TYW1B: variants seen among roughly 807,000 people sequenced by gnomAD.
TYW1B encodes S-adenosyl-L-methionine-dependent tRNA 4-demethylwyosine synthase TYW1B.
In TYW1B, 73 loss-of-function variants were observed where a neutral mutation model predicts 86.9. The ratio of observed to expected loss-of-function variants is 0.84; its 90% CI spans 0.70 to 1.02. The LOEUF is 1.02. Among genes scored for constraint, TYW1B ranks in the 50% least tolerant of loss-of-function variants. The pLI is 0.00. For missense variants in TYW1B, 637 were observed against 827.4 expected, an observed-to-expected ratio of 0.77 and a Z score of 2.82; for synonymous variants, 248 against 292.8, an observed-to-expected ratio of 0.85 and a Z score of 1.56.
At chr7:72,649,717 G>A (rs1554442512) in intron 11 of TYW1B, among the ~76,000 whole-genome samples, 2 of 152,180 alleles carry the variant, frequency 1.3e-5, no homozygotes, top group East Asian at 1.9e-4. Context: ...AAGGAATATA[G>A]GGCAGCCCAA....
At chr7:72,750,036 C>T (rs1213903892) in intron 7 of TYW1B, among the ~76,000 whole-genome samples, 3 of 149,256 alleles carry the variant, frequency 2.0e-5, no homozygotes, top group Non-Finnish European at 4.4e-5. Flanking sequence ...CTACAAGACA[C>T]GTGTCTGAAC....
At chr7:72,776,418 G>C (rs1204996972) in intron 7 of TYW1B, among the ~76,000 whole-genome samples, 1 of 151,592 alleles carries the variant, frequency 6.6e-6, no homozygotes, top group African/African-American at 2.4e-5. Context: ...AAAATTAGCT[G>C]AGCATGGTGA....
intron 1 of TYW1B, among the ~76,000 whole-genome samples, chr7:72,827,401 C>A (rs1788953273): frequency 6.6e-6 from 1 of 152,034 alleles, no homozygotes; most frequent in African/African-American, 2.4e-5. Flanking sequence ...GAGCAAGGCT[C>A]CATCTCGTGG....
At chr7:72,762,704 G>C (rs1554467405) in intron 7 of TYW1B, among the ~76,000 whole-genome samples, 1 of 152,098 alleles carries the variant, frequency 6.6e-6, no homozygotes, top group Non-Finnish European at 1.5e-5. Context: ...CTGTCACCCA[G>C]GCTGGAGTGC....
chr7:72,624,458 T>C (rs1812293294), intron 12 of TYW1B, among the ~76,000 whole-genome samples: 1 of 152,214 alleles, frequency 6.6e-6, no homozygotes, highest in Admixed American at 6.5e-5. Context: ...CAAACTAAAA[T>C]TTAAAAAATG....
intron 7 of TYW1B, among the ~76,000 whole-genome samples, chr7:72,761,212 G>T (rs797030656): frequency 3.9e-5 from 6 of 151,948 alleles, no homozygotes; most frequent in Non-Finnish European, 7.4e-5. Context: ...TTATGTTACA[G>T]GGAAAGAAAC....
At position 72,575,242 on chromosome 7, in the gene TYW1B, T is replaced by C. The variant is rs1274316267; in HGVS notation, c.*256A>G. ...TTAAATTCTAATCACGACTGTGTAG[T>C]TCCTCCCCAAAATAATTTTCCTCTT... On this transcript the variant is annotated 3_prime_UTR_variant, in exon 14 of 14. Coordinates refer to ENST00000620995, the MANE Select transcript of TYW1B (RefSeq NM_001145440.3). 3.0e-6 allele frequency: 4 copies of C among 1,326,130 alleles called. No homozygotes were observed. The highest frequency in any genetic ancestry group is 3.9e-6 in the Non-Finnish European group (4 of 1,035,162). The allele number at this position is 1,326,130 out of a possible 1,614,324, so 82.1% of individuals were successfully genotyped here.
intron 6 of TYW1B, among the ~76,000 whole-genome samples, chr7:72,777,955 T>A (rs1365158666): frequency 6.6e-6 from 1 of 152,110 alleles, no homozygotes; most frequent in Non-Finnish European, 1.5e-5. Context: ...AAAATTGTTT[T>A]AAAAAAGGGC....
chr7:72,818,439 GTGTGGTGGCATATACC>G (rs71071914), intron 2 of TYW1B, among the ~76,000 whole-genome samples: 13,599 of 151,360 alleles, frequency 0.09, 1,056 homozygotes, highest in East Asian at 0.33. Context: ...AATTAGCTGG[GTGTGGTGGCATATACC>G]TGTGGTCCAG....
At chr7:72,599,590 ACTCT>A (rs782555802) in intron 13 of TYW1B, among the ~76,000 whole-genome samples, 1 of 152,008 alleles carries the variant, frequency 6.6e-6, no homozygotes, top group African/African-American at 2.4e-5. Flanking sequence ...AGGAAATAAA[ACTCT>A]CTGTGTACAG....
At chr7:72,632,946 T>C (rs1422845831) in intron 11 of TYW1B, among the ~76,000 whole-genome samples, 1 of 152,084 alleles carries the variant, frequency 6.6e-6, no homozygotes, top group East Asian at 1.9e-4. Flanking sequence ...GGTGGGAGAC[T>C]GGCAGGACTT....
chr7:72,666,384 C>A (rs1554445259), intron 11 of TYW1B, among the ~76,000 whole-genome samples: 2 of 152,016 alleles, frequency 1.3e-5, no homozygotes, highest in Admixed American at 6.6e-5. Flanking sequence ...TGTGATTGTG[C>A]AACTATGCTC....
intron 11 of TYW1B, among the ~76,000 whole-genome samples, chr7:72,656,389 A>G (rs144547705): frequency 6.6e-6 from 1 of 152,222 alleles, no homozygotes; most frequent in Admixed American, 6.5e-5. Flanking sequence ...TAAGGACACA[A>G]GAATGATGAG....
At chr7:72,632,037 C>T (rs1812504174) in intron 11 of TYW1B, among the ~76,000 whole-genome samples, 1 of 151,758 alleles carries the variant, frequency 6.6e-6, no homozygotes, top group Admixed American at 6.6e-5. Context: ...TGGCTCACGC[C>T]TGTAATCTCA....
intron 11 of TYW1B, among the ~76,000 whole-genome samples, chr7:72,634,600 C>CT (rs1356649109): frequency 1.3e-5 from 2 of 150,878 alleles, no homozygotes; most frequent in Non-Finnish European, 2.9e-5. Context: ...TATTGGCAAT[C>CT]TGATTGCCAA....
At chr7:72,746,848 C>A in intron 7 of TYW1B, among the ~76,000 whole-genome samples, 1 of 152,172 alleles carries the variant, frequency 6.6e-6, no homozygotes, top group Non-Finnish European at 1.5e-5. Flanking sequence ...TTCAAAAGGA[C>A]TCTCTAAGAC....
intron 12 of TYW1B, among the ~76,000 whole-genome samples, chr7:72,624,606 T>C (rs1176246183): frequency 6.6e-6 from 1 of 152,192 alleles, no homozygotes; most frequent in East Asian, 1.9e-4. Context: ...ACAGGTAAGT[T>C]CACAAAGCAT....
intron 13 of TYW1B, among the ~76,000 whole-genome samples, chr7:72,615,964 AT>A (rs1200703266): frequency 6.6e-6 from 1 of 152,158 alleles, no homozygotes; most frequent in Non-Finnish European, 1.5e-5. Context: ...ATATAAAAAA[AT>A]AAATATAATG....
In TYW1B at chr7:72,589,125, G is replaced by A. The variant is rs34079510; in HGVS notation, c.1786-13406C>T. Among the ~76,000 whole-genome samples the A allele has an allele frequency of 3.3e-5, 5 of 152,244 alleles. No individual in the cohort carries two copies. In the Middle Eastern group the frequency reaches 0.01, roughly 311 times the overall value. Reference sequence around the variant, plus strand: ...ACTGCACCCAGCTAGACTTGTACTCGTTTAAGCCTCAGTTTCCTCCTTTGG... The same window carrying A: ...ACTGCACCCAGCTAGACTTGTACTCATTTAAGCCTCAGTTTCCTCCTTTGG... On this transcript the variant is annotated intron_variant, in intron 13 of 13. Coordinates refer to ENST00000620995, the MANE Select transcript of TYW1B (RefSeq NM_001145440.3).
Sources: gnomAD v4.1 joint callset for allele counts (sites outside exome capture counted in the v4.1 genomes callset) on GRCh38, gnomAD v4.1.1 for gene constraint, MANE v1.5 for transcripts, NCBI Gene and HGNC (gene_info 2026-07-23, HGNC 2026-07-21) for gene names.